SPOCK1: variants seen among roughly 807,000 people sequenced by gnomAD.
The protein encoded by SPOCK1 is SPARC (osteonectin), cwcv and kazal like domains proteoglycan 1, also known as testican-1.
A neutral mutation model predicts 55.3 loss-of-function variants in SPOCK1; 23 were observed. The observed-to-expected ratio is 0.42, with a 90% CI of 0.30 to 0.59. The LOEUF (loss-of-function observed/expected upper bound fraction) is 0.59, where lower values mean the gene tolerates loss of function less well. Ranked by LOEUF, SPOCK1 falls within the 20% of genes least tolerant of loss-of-function variation. The pLI is 0.22. For missense variants in SPOCK1, 499 were observed against 552.5 expected, an observed-to-expected ratio of 0.90 and a Z score of 0.97; for synonymous variants, 226 against 221.0, an observed-to-expected ratio of 1.02 and a Z score of -0.20.
At chr5:137,128,909 T>C (rs982542257) in intron 4 of SPOCK1, among the ~76,000 whole-genome samples, 2 of 152,220 alleles carry the variant, frequency 1.3e-5, no homozygotes, top group African/African-American at 2.4e-5. Context: ...CCTCCTCTAC[T>C]AGTCTACAAG....
At chr5:137,476,875 G>C (rs1015445393) in intron 2 of SPOCK1, among the ~76,000 whole-genome samples, 2 of 151,916 alleles carry the variant, frequency 1.3e-5, no homozygotes, top group African/African-American at 4.8e-5. Flanking sequence ...CTGTGAGCTG[G>C]GATTGTGGCA....
At chr5:137,404,410 CTTT>C (rs67369576) in intron 2 of SPOCK1, among the ~76,000 whole-genome samples, 19 of 117,386 alleles carry the variant, frequency 1.6e-4, no homozygotes, top group African/African-American at 1.3e-4. Flanking sequence ...TTCAAAATGA[CTTT>C]TTTTTTTTTT....
At chr5:137,183,768 A>T (rs1755015384) in intron 3 of SPOCK1, among the ~76,000 whole-genome samples, 3 of 152,100 alleles carry the variant, frequency 2.0e-5, no homozygotes, top group Admixed American at 2.0e-4. Context: ...AGACGTTGGC[A>T]AGTTGCTTAG....
chr5:137,074,693 TTTGTTG>T (rs59523966), intron 5 of SPOCK1, among the ~76,000 whole-genome samples: 24 of 148,602 alleles, frequency 1.6e-4, no homozygotes, highest in East Asian at 1.0e-3. Context: ...ATTTTTGTAT[TTTGTTG>T]TTGTTGTTGT....
intron 2 of SPOCK1, among the ~76,000 whole-genome samples, chr5:137,341,001 A>G (rs1750409288): frequency 6.6e-6 from 1 of 152,160 alleles, no homozygotes; most frequent in Admixed American, 6.5e-5. Flanking sequence ...CAGAGCCCTC[A>G]TACTCTGCCC....
intron 2 of SPOCK1, among the ~76,000 whole-genome samples, chr5:137,279,362 C>T (rs1437371949): frequency 6.6e-6 from 1 of 152,194 alleles, no homozygotes; most frequent in East Asian, 1.9e-4. Flanking sequence ...GCTATGGGTA[C>T]ACAGAGGAAG....
chr5:136,977,723 T>C lies in SPOCK1; in HGVS notation c.*931A>G. 2.5e-6 allele frequency: 1 copy of C among 398,778 alleles called. No homozygotes were observed. Among genetic ancestry groups the C allele is most frequent in the Non-Finnish European group, 4.4e-6 (1 of 225,996 alleles). The allele number at this position is 398,778 out of a possible 1,614,324, so 24.7% of individuals were successfully genotyped here. ...AGTCGCATGGCTTCTGCGAGAAAAG[T>C]GATTTAGGCAGACGGAGGTTTTTTC... is the stretch of plus-strand genomic sequence containing the variant. On this transcript the variant is annotated 3_prime_UTR_variant, in exon 11 of 11. Transcript: ENST00000394945.
intron 2 of SPOCK1, among the ~76,000 whole-genome samples, chr5:137,457,459 C>T (rs1528961): frequency 0.4 from 61,381 of 151,768 alleles, 13,521 homozygotes; most frequent in East Asian, 0.64. Context: ...GTTTTCACCA[C>T]GCCAAGAATC....
intron 2 of SPOCK1, among the ~76,000 whole-genome samples, chr5:137,347,828 G>A (rs567068086): frequency 3.4e-4 from 51 of 152,124 alleles, no homozygotes; most frequent in African/African-American, 1.1e-3. Context: ...CAGGCGTAAC[G>A]TGATGGCTCC....
At chr5:137,490,533 C>T (rs1399974375) in intron 2 of SPOCK1, among the ~76,000 whole-genome samples, 3 of 152,126 alleles carry the variant, frequency 2.0e-5, no homozygotes, top group Admixed American at 1.3e-4. Context: ...TCCCCTGGTG[C>T]CCATAAAGCC....
chr5:137,249,718 T>C (rs1264048924), intron 3 of SPOCK1, among the ~76,000 whole-genome samples: 2 of 152,326 alleles, frequency 1.3e-5, no homozygotes, highest in Admixed American at 6.5e-5. Flanking sequence ...AAGCTGTCAG[T>C]TCAAAAGCCA....
At chr5:137,250,569 C>T (rs1756490409) in intron 3 of SPOCK1, among the ~76,000 whole-genome samples, 2 of 152,318 alleles carry the variant, frequency 1.3e-5, no homozygotes, top group South Asian at 2.1e-4. Flanking sequence ...TGAATGCTCC[C>T]TCAGCTACAT....
chr5:137,223,772 T>A (rs1755900035), intron 3 of SPOCK1, among the ~76,000 whole-genome samples: 1 of 152,074 alleles, frequency 6.6e-6, no homozygotes, highest in African/African-American at 2.4e-5. Flanking sequence ...TTAGCTGACA[T>A]GCCCTGCCAG....
intron 4 of SPOCK1, among the ~76,000 whole-genome samples, chr5:137,133,564 C>G (rs575372861): frequency 1.9e-4 from 29 of 152,150 alleles, no homozygotes; most frequent in African/African-American, 7.0e-4. Context: ...AATCAATAGT[C>G]TTCGTTTCAG....
chr5:137,440,540 C>A (rs1001953141), intron 2 of SPOCK1, among the ~76,000 whole-genome samples: 1 of 152,184 alleles, frequency 6.6e-6, no homozygotes, highest in African/African-American at 2.4e-5. Context: ...TGTTCACGAT[C>A]TTTTTAAAAT....
At chr5:137,409,957 T>C (rs1752176391) in intron 2 of SPOCK1, among the ~76,000 whole-genome samples, 1 of 152,218 alleles carries the variant, frequency 6.6e-6, no homozygotes, top group African/African-American at 2.4e-5. Flanking sequence ...GGCTGAGTAC[T>C]GTGGTGGTGG....
rs558563325 is a variant in SPOCK1, at chr5:137,023,135, A to G, written c.590-30535T>C. 3.3e-5 allele frequency among the ~76,000 whole-genome samples: 5 copies of G among 152,266 alleles called. No homozygotes were observed. In the East Asian group the frequency reaches 9.6e-4, roughly 29 times the overall value. On this transcript the variant is annotated intron_variant, in intron 6 of 10. Coordinates refer to ENST00000394945, the MANE Select transcript of SPOCK1 (RefSeq NM_004598.4). ...CAACTTGTATGCTTTCTTTGCCTCA[A>G]TGTCTTCATCTTAAGAATGGGACTA...
intron 2 of SPOCK1, among the ~76,000 whole-genome samples, chr5:137,377,980 T>A (rs1751362330): frequency 6.8e-6 from 1 of 147,988 alleles, no homozygotes; most frequent in Non-Finnish European, 1.5e-5. Context: ...AGTTTGCTCT[T>A]GTAGCCCAGG....
chr5:137,092,479 ACTCTGT>A (rs1285426993), intron 5 of SPOCK1, among the ~76,000 whole-genome samples: 9 of 151,924 alleles, frequency 5.9e-5, no homozygotes, highest in African/African-American at 2.2e-4. Flanking sequence ...CTCTTATGTA[ACTCTGT>A]CATTACCTCC....
Sources: gnomAD v4.1 joint callset for allele counts (sites outside exome capture counted in the v4.1 genomes callset) on GRCh38, gnomAD v4.1.1 for gene constraint, MANE v1.5 for transcripts, NCBI Gene and HGNC (gene_info 2026-07-23, HGNC 2026-07-21) for gene names.